MAST4: variants seen among roughly 807,000 people sequenced by gnomAD.
MAST4 encodes microtubule-associated serine/threonine-protein kinase 4.
MAST4 carries 89 observed loss-of-function variants against 162.7 expected under a neutral mutation model. That is an observed-to-expected ratio of 0.55 (90% CI 0.46 to 0.65). The LOEUF is 0.65. Among genes scored for constraint, MAST4 ranks in the 30% least tolerant of loss-of-function variants. The pLI is 0.00. For synonymous variants in MAST4, 1,479 were observed against 1,361.1 expected (o/e 1.09, Z -1.91); for missense variants, 3,153 against 3,374.0 (o/e 0.93, Z 1.62).
At chr5:67,097,269 T>C (rs1764572955) in intron 7 of MAST4, among the ~76,000 whole-genome samples, 1 of 152,188 alleles carries the variant, frequency 6.6e-6, no homozygotes, top group Admixed American at 6.5e-5. Flanking sequence ...AATTTTGTTT[T>C]ATAAATACTT....
At chr5:66,687,913 T>G (rs1156431846) in intron 1 of MAST4, among the ~76,000 whole-genome samples, 1 of 152,220 alleles carries the variant, frequency 6.6e-6, no homozygotes, top group Non-Finnish European at 1.5e-5. Context: ...ACTGATGTTT[T>G]TGTTTGAAGA....
chr5:66,639,096 G>T (rs1745312375), intron 1 of MAST4, among the ~76,000 whole-genome samples: 1 of 152,038 alleles, frequency 6.6e-6, no homozygotes, highest in African/African-American at 2.4e-5. Flanking sequence ...GAAGAGAATG[G>T]GTCTTGGCTT....
intron 4 of MAST4, among the ~76,000 whole-genome samples, chr5:66,958,166 AG>A (rs1745558066): frequency 1.3e-5 from 2 of 152,118 alleles, no homozygotes; most frequent in Admixed American, 1.3e-4. Context: ...AGAGAGAAAG[AG>A]AGAGAAAGAG....
At chr5:66,932,056 T>G (rs1356778596) in intron 4 of MAST4, among the ~76,000 whole-genome samples, 1 of 152,214 alleles carries the variant, frequency 6.6e-6, no homozygotes, top group Non-Finnish European at 1.5e-5. Context: ...CGATCCCTTC[T>G]GAATTGCTCT....
At chr5:66,780,527 G>A (rs767918484) in intron 2 of MAST4, among the ~76,000 whole-genome samples, 2 of 152,170 alleles carry the variant, frequency 1.3e-5, no homozygotes, top group Non-Finnish European at 2.9e-5. Context: ...GAGTGTTACA[G>A]CTCTTAAAGG....
intron 1 of MAST4, among the ~76,000 whole-genome samples, chr5:66,723,353 A>G (rs1471791661): frequency 6.6e-6 from 1 of 152,158 alleles, no homozygotes; most frequent in African/African-American, 2.4e-5. Context: ...GCTCTCTCAT[A>G]TTAAGCCCTA....
chr5:67,130,561 C>A lies in MAST4; in HGVS notation c.1954+143C>A, dbSNP rs1469550628. 3 of 749,040 alleles carry A rather than the reference C, an allele frequency of 4.0e-6. No homozygotes were observed. The East Asian group carries it at 7.9e-5, about 20-fold the overall frequency. 46.4% of individuals were successfully genotyped at this position (749,040 alleles called of 1,614,324 possible). ...GCAATGAAATGGCTGTATTCCCAGT[C>A]ATTATCTTCTGATAATTGCTTGTAA... On this transcript the variant is annotated intron_variant, in intron 15 of 28. Coordinates refer to ENST00000403625, the MANE Select transcript of MAST4 (RefSeq NM_001164664.2).
At chr5:66,936,431 T>G (rs892062364) in intron 4 of MAST4, among the ~76,000 whole-genome samples, 5 of 152,174 alleles carry the variant, frequency 3.3e-5, no homozygotes, top group Admixed American at 1.3e-4. Flanking sequence ...ATCACCTGGG[T>G]GCAGGCGGGC....
chr5:66,709,943 G>T (rs1413953994), intron 1 of MAST4, among the ~76,000 whole-genome samples: 1 of 152,180 alleles, frequency 6.6e-6, no homozygotes, highest in Non-Finnish European at 1.5e-5. Context: ...GTTAGGACTG[G>T]CTGTCTCCTT....
At chr5:66,725,472 A>G (rs148554361) in intron 1 of MAST4, among the ~76,000 whole-genome samples, 2,133 of 152,260 alleles carry the variant, frequency 0.014, 48 homozygotes, top group African/African-American at 0.047. Flanking sequence ...TCTATTATCA[A>G]CAAATATGAA....
At chr5:66,819,674 GT>G (rs1756896683) in intron 3 of MAST4, among the ~76,000 whole-genome samples, 1 of 151,676 alleles carries the variant, frequency 6.6e-6, no homozygotes, top group Admixed American at 6.6e-5. Context: ...ATTTTCCAGA[GT>G]TTTTTCCATT....
chr5:66,964,476 T>A (rs1482780369), intron 4 of MAST4, among the ~76,000 whole-genome samples: 1 of 151,716 alleles, frequency 6.6e-6, no homozygotes, highest in Non-Finnish European at 1.5e-5. Context: ...ACACATAGTG[T>A]ACCCAGCGTC....
chr5:67,164,733 G>A lies in MAST4; in HGVS notation c.5554G>A (p.Asp1852Asn), dbSNP rs201907198. 1.3e-5 allele frequency: 21 copies of A among 1,613,868 alleles called. No individual in the cohort carries two copies. Among genetic ancestry groups the A allele is most frequent in the East Asian group, 6.7e-5 (3 of 44,900 alleles). ...VLPSSSGKKN[D>N]TTSARELSPS... is the part of the protein sequence containing the mutation. ...CCCCAGCAGCAGTGGGAAAAAGAAC[G>A]ATACCACCAGTGCAAGAGAGCTTTC... Residue 1852 changes from aspartate (D) to asparagine (N), a missense_variant, in exon 29 of 29, where the codon GAT (aspartate) becomes AAT (asparagine). Coordinates refer to ENST00000403625, the MANE Select transcript of MAST4 (RefSeq NM_001164664.2). The surrounding 1 kb of genome is among the most constrained non-coding windows in gnomAD (Gnocchi z 5.3).
chr5:67,058,899 C>G (rs114414183), intron 5 of MAST4, among the ~76,000 whole-genome samples: 500 of 152,336 alleles, frequency 3.3e-3, no homozygotes, highest in Middle Eastern at 0.01. Context: ...TTTTCTATTG[C>G]TGTAGTAACA....
At chr5:67,135,444 A>T (rs1670496970) in intron 18 of MAST4, among the ~76,000 whole-genome samples, 1 of 152,222 alleles carries the variant, frequency 6.6e-6, no homozygotes, top group African/African-American at 2.4e-5. Context: ...CATCACTGAC[A>T]TCTTTATCAG....
intron 23 of MAST4, among the ~76,000 whole-genome samples, chr5:67,146,361 G>A (rs1329731682): frequency 6.6e-6 from 1 of 152,090 alleles, no homozygotes; most frequent in Non-Finnish European, 1.5e-5. Flanking sequence ...ACCAAAACAA[G>A]CCTCTTAAGT....
intron 1 of MAST4, among the ~76,000 whole-genome samples, chr5:66,754,403 G>T (rs574420446): frequency 6.6e-6 from 1 of 152,292 alleles, no homozygotes; most frequent in Non-Finnish European, 1.5e-5. Flanking sequence ...TAACCTAAGG[G>T]TCTTTTCCAC....
At chr5:67,030,424 A>T (rs1755164483) in intron 4 of MAST4, among the ~76,000 whole-genome samples, 1 of 152,180 alleles carries the variant, frequency 6.6e-6, no homozygotes. Context: ...GTAAAATGAC[A>T]TAATCATCAT....
At chr5:67,069,034 G>T (rs765234718) in intron 5 of MAST4, among the ~76,000 whole-genome samples, 1 of 151,748 alleles carries the variant, frequency 6.6e-6, no homozygotes, top group Admixed American at 6.6e-5. Flanking sequence ...GCTGATACAC[G>T]TATACCTAAG....
Sources: gnomAD v4.1 joint callset for allele counts (sites outside exome capture counted in the v4.1 genomes callset) on GRCh38, gnomAD v4.1.1 for gene constraint, Gnocchi (gnomAD v3.1) non-coding constraint, MANE v1.5 for transcripts, NCBI Gene and HGNC (gene_info 2026-07-23, HGNC 2026-07-21) for gene names.